Variants in AGBL4 observed in about 807,000 individuals in gnomAD.
AGBL4 encodes the protein AGBL carboxypeptidase 4.
AGBL4 carries 58 observed loss-of-function variants against 66.4 expected under a neutral mutation model. The ratio of observed to expected loss-of-function variants is 0.87; its 90% CI spans 0.71 to 1.09. AGBL4 has a LOEUF of 1.09. Ranked by LOEUF, AGBL4 falls within the 50% of genes least tolerant of loss-of-function variation. The probability of loss-of-function intolerance (pLI) is 0.00; values close to 1 mark genes in which losing one functional copy is unlikely to be tolerated. For missense variants in AGBL4, 579 were observed against 631.0 expected (o/e 0.92, Z 0.88); for synonymous variants, 234 against 222.9 (o/e 1.05, Z -0.44).
intron 4 of AGBL4, among the ~76,000 whole-genome samples, chr1:49,055,377 G>A (rs1315838102): frequency 6.6e-6 from 1 of 151,858 alleles, no homozygotes; most frequent in Non-Finnish European, 1.5e-5. Context: ...AATACTAAAA[G>A]GCTTATTTCT....
intron 5 of AGBL4, among the ~76,000 whole-genome samples, chr1:48,907,713 T>G (rs181649900): frequency 6.6e-6 from 1 of 152,178 alleles, no homozygotes; most frequent in Admixed American, 6.5e-5. Flanking sequence ...TCAGTCATAA[T>G]ATAGGTGCTA....
the AGBL4 span, among the ~76,000 whole-genome samples, chr1:48,526,796 A>T: frequency 6.6e-6 from 1 of 152,204 alleles, no homozygotes; most frequent in Non-Finnish European, 1.5e-5. Context: ...AACAATTGTT[A>T]TGATGTTTAT....
intron 3 of AGBL4, among the ~76,000 whole-genome samples, chr1:49,435,061 G>A (rs1645872649): frequency 6.6e-6 from 1 of 152,056 alleles, no homozygotes; most frequent in African/African-American, 2.4e-5. Context: ...CTTAGAAAAT[G>A]CCTTTCCTGA....
At chr1:49,947,045 G>C (rs1655273802) in intron 1 of AGBL4, among the ~76,000 whole-genome samples, 1 of 151,312 alleles carries the variant, frequency 6.6e-6, no homozygotes, top group Non-Finnish European at 1.5e-5. Context: ...AACAAGCAGA[G>C]AGATTGAAAT....
At chr1:48,814,609 CTTT>C (rs10708061) in intron 6 of AGBL4, among the ~76,000 whole-genome samples, 54 of 131,572 alleles carry the variant, frequency 4.1e-4, no homozygotes, top group East Asian at 4.4e-4. Context: ...ATGAGATCAA[CTTT>C]TTTTTTTTTT....
intron 3 of AGBL4, among the ~76,000 whole-genome samples, chr1:49,416,277 A>G (rs929354416): frequency 2.0e-5 from 3 of 152,134 alleles, no homozygotes; most frequent in African/African-American, 7.2e-5. Flanking sequence ...AGACGTATAC[A>G]TTGTGTGCAT....
chr1:49,629,283 G>A (rs1293367905), intron 3 of AGBL4, among the ~76,000 whole-genome samples: 1 of 152,158 alleles, frequency 6.6e-6, no homozygotes, highest in Non-Finnish European at 1.5e-5. Context: ...AAAGTTTTGT[G>A]ACTTCTGCTT....
At chr1:49,826,691 A>G (rs138406675) in intron 2 of AGBL4, among the ~76,000 whole-genome samples, 1 of 152,308 alleles carries the variant, frequency 6.6e-6, no homozygotes, top group East Asian at 1.9e-4. Context: ...AAACTTGCCA[A>G]TTATTTTAGG....
chr1:49,878,731 C>T (rs1182390187), intron 1 of AGBL4, among the ~76,000 whole-genome samples: 2 of 150,256 alleles, frequency 1.3e-5, no homozygotes, highest in Admixed American at 1.3e-4. Flanking sequence ...CTTTCTGTCT[C>T]GTTGATCTGT....
chr1:49,484,847 C>T (rs1010033790), intron 3 of AGBL4, among the ~76,000 whole-genome samples: 5 of 151,960 alleles, frequency 3.3e-5, no homozygotes, highest in Admixed American at 6.6e-5. Context: ...AGTATCAAAA[C>T]ATCTCATTTA....
intron 2 of AGBL4, among the ~76,000 whole-genome samples, chr1:49,849,921 T>G (rs890975833): frequency 2.0e-5 from 3 of 152,210 alleles, no homozygotes; most frequent in Non-Finnish European, 4.4e-5. Context: ...AGGGTCCTTA[T>G]GTCTTTAACA....
At chr1:49,813,881 T>C (rs560378282) in intron 2 of AGBL4, among the ~76,000 whole-genome samples, 64 of 152,102 alleles carry the variant, frequency 4.2e-4, no homozygotes, top group Non-Finnish European at 7.9e-4. Context: ...TCCTTACATG[T>C]TATGGGAGGC....
At position 49,648,154 on chromosome 1, in the gene AGBL4, A is replaced by C. The variant is rs552625688; in HGVS notation, c.282+49159T>G. On this transcript the variant is annotated intron_variant, in intron 3 of 13. Coordinates refer to ENST00000371839, the MANE Select transcript of AGBL4 (RefSeq NM_032785.4). ...AGGGACAGATGGGCAATACAGGCAG[A>C]GATAAAAACTTTAAGAAAGAACAAC... Among the ~76,000 whole-genome samples the C allele has an allele frequency of 5.9e-5, 9 of 152,256 alleles. No individual in the cohort carries two copies. The South Asian group carries it at 1.9e-3, about 32-fold the overall frequency.
intron 1 of AGBL4, among the ~76,000 whole-genome samples, chr1:49,892,835 A>T (rs1477009320): frequency 1.3e-5 from 2 of 152,232 alleles, no homozygotes; most frequent in African/African-American, 4.8e-5. Flanking sequence ...AACTTCAGTA[A>T]ATTCTCCTTT....
intron 3 of AGBL4, among the ~76,000 whole-genome samples, chr1:49,252,003 C>A (rs1247372594): frequency 6.6e-6 from 1 of 152,270 alleles, no homozygotes; most frequent in East Asian, 1.9e-4. Flanking sequence ...AGTGTGTCTT[C>A]TTTCCTCCAA....
chr1:49,108,261 C>T (rs1047906680), intron 4 of AGBL4, among the ~76,000 whole-genome samples: 2 of 152,146 alleles, frequency 1.3e-5, no homozygotes, highest in African/African-American at 4.8e-5. Flanking sequence ...ATTAATTAGC[C>T]ATCCATTATG....
intron 8 of AGBL4, among the ~76,000 whole-genome samples, chr1:48,646,600 G>T (rs1195033858): frequency 6.8e-6 from 1 of 148,062 alleles, no homozygotes; most frequent in African/African-American, 2.5e-5. Flanking sequence ...CTCTGCTATG[G>T]TTAATGAAGT....
chr1:48,899,298 C>T (rs1292463339), intron 5 of AGBL4, among the ~76,000 whole-genome samples: 2 of 152,250 alleles, frequency 1.3e-5, no homozygotes, highest in Non-Finnish European at 2.9e-5. Flanking sequence ...CTAGGCCTGT[C>T]CAACTTCTCT....
chr1:49,328,875 G>C (rs367906184), intron 3 of AGBL4, among the ~76,000 whole-genome samples: 1 of 151,814 alleles, frequency 6.6e-6, no homozygotes, highest in East Asian at 1.9e-4. Flanking sequence ...TCTATCCTTG[G>C]GCCATCTTAG....
Sources: allele counts gnomAD v4.1 joint callset (sites outside exome capture counted in the v4.1 genomes callset), GRCh38; gene constraint gnomAD v4.1.1; transcripts MANE v1.5; gene names NCBI Gene and HGNC (gene_info 2026-07-23, HGNC 2026-07-21).